The following SPMIP4 variants were observed in gnomAD, a reference collection of about 807,000 sequenced individuals.
SPMIP4 encodes the protein sperm-associated microtubule inner protein 4.
chr7:25,150,838 G>A, the SPMIP4 span, among the ~76,000 whole-genome samples: 1 of 152,178 alleles, frequency 6.6e-6, no homozygotes, highest in Non-Finnish European at 1.5e-5. Flanking sequence ...AGGGTTAAAT[G>A]ATGTATTTAG....
chr7:25,153,496 C>T, the SPMIP4 span, among the ~76,000 whole-genome samples: 1 of 150,106 alleles, frequency 6.7e-6, no homozygotes, highest in Admixed American at 6.7e-5. Context: ...CACTTGGACC[C>T]GGGAAGCAGA....
the SPMIP4 span, among the ~76,000 whole-genome samples, chr7:25,162,840 C>T: frequency 6.6e-6 from 1 of 152,000 alleles, no homozygotes; most frequent in Non-Finnish European, 1.5e-5. Flanking sequence ...GGCGTGATCT[C>T]AGCTCACTGC....
the SPMIP4 span, among the ~76,000 whole-genome samples, chr7:25,141,536 T>TACTCC: frequency 1.6e-5 from 2 of 126,660 alleles, no homozygotes; most frequent in Non-Finnish European, 3.1e-5. Context: ...CGTGCCACCG[T>TACTCC]ACTCCAGCCT....
At chr7:25,135,431 C>T in the SPMIP4 span, 120 of 985,348 alleles carry the variant, frequency 1.2e-4, no homozygotes, top group Non-Finnish European at 1.4e-4. Flanking sequence ...GAACAGAGTC[C>T]ACATACTTTT....
the SPMIP4 span, among the ~76,000 whole-genome samples, chr7:25,159,162 G>A: frequency 1.3e-5 from 2 of 152,208 alleles, no homozygotes; most frequent in African/African-American, 2.4e-5. Context: ...GAAGCCTGAC[G>A]TTATACATGG....
chr7:25,161,824 G>A, the SPMIP4 span, among the ~76,000 whole-genome samples: 1 of 52,986 alleles, frequency 1.9e-5, no homozygotes, highest in Non-Finnish European at 4.8e-5. Flanking sequence ...AATTTCAGAT[G>A]GATTTAAAAA....
At chr7:25,128,757 A>C in the SPMIP4 span, among the ~76,000 whole-genome samples, 1 of 152,158 alleles carries the variant, frequency 6.6e-6, no homozygotes, top group South Asian at 2.1e-4. This position sits in a 1 kb window ranked among gnomAD's most constrained non-coding sequence, Gnocchi z 4.5. Context: ...TCCTTTCCTC[A>C]AATAGGAGTC....
chr7:25,149,121 T>C, the SPMIP4 span, among the ~76,000 whole-genome samples: 1 of 152,222 alleles, frequency 6.6e-6, no homozygotes, highest in Admixed American at 6.5e-5. Context: ...CTGCAGTTCA[T>C]TCTGTATGGA....
the SPMIP4 span, among the ~76,000 whole-genome samples, chr7:25,177,438 G>A: frequency 6.6e-6 from 1 of 152,172 alleles, no homozygotes; most frequent in African/African-American, 2.4e-5. Flanking sequence ...AGCCGAGATT[G>A]TGCCACTGCA....
the SPMIP4 span, among the ~76,000 whole-genome samples, chr7:25,164,755 G>A: frequency 6.6e-6 from 1 of 152,210 alleles, no homozygotes; most frequent in Non-Finnish European, 1.5e-5. Context: ...TACCCAATGT[G>A]TAGTCTTTTA....
chr7:25,158,597 A>C, the SPMIP4 span: 1 of 1,305,848 alleles, frequency 7.7e-7, no homozygotes, highest in South Asian at 1.2e-5. Context: ...TATCCCTATT[A>C]GAAACTTGAT....
chr7:25,162,778 A>ATTT, the SPMIP4 span, among the ~76,000 whole-genome samples: 5 of 151,756 alleles, frequency 3.3e-5, no homozygotes, highest in Non-Finnish European at 5.9e-5. Context: ...TTATTTATTT[A>ATTT]AATTTTTTTT....
At chr7:25,138,125 T>C in the SPMIP4 span, among the ~76,000 whole-genome samples, 1 of 152,110 alleles carries the variant, frequency 6.6e-6, no homozygotes, top group Admixed American at 6.6e-5. The surrounding 1 kb of genome is among the most constrained non-coding windows in gnomAD (Gnocchi z 6.2). Flanking sequence ...CTGGAGAATA[T>C]GTAATGATAA....
At chr7:25,163,289 T>C in the SPMIP4 span, among the ~76,000 whole-genome samples, 9,405 of 152,306 alleles carry the variant, frequency 0.062, 412 homozygotes, top group Non-Finnish European at 0.098. This position sits in a 1 kb window ranked among gnomAD's most constrained non-coding sequence, Gnocchi z 4.4. Flanking sequence ...TACATAGTAT[T>C]AGGCAATTTT....
At chr7:25,139,130 T>C in the SPMIP4 span, among the ~76,000 whole-genome samples, 1 of 152,232 alleles carries the variant, frequency 6.6e-6, no homozygotes, top group East Asian at 1.9e-4. Context: ...TTAAGATTTG[T>C]GCAATTGCAT....
the SPMIP4 span, among the ~76,000 whole-genome samples, chr7:25,173,070 T>G: frequency 5.9e-5 from 8 of 134,466 alleles, no homozygotes; most frequent in South Asian, 2.4e-4. This position sits in a 1 kb window ranked among gnomAD's most constrained non-coding sequence, Gnocchi z 4.4. Context: ...GGGGAGAGAA[T>G]GGGAAAGAGA....
the SPMIP4 span, among the ~76,000 whole-genome samples, chr7:25,148,742 C>T: frequency 1.0e-3 from 152 of 152,202 alleles, 1 homozygote; most frequent in African/African-American, 3.4e-3. Context: ...CCCAAAGTGT[C>T]TCCCAAAGGG....
chr7:25,142,951 A>T, the SPMIP4 span: 1 of 536,432 alleles, frequency 1.9e-6, no homozygotes, highest in Admixed American at 3.6e-5. Context: ...ATTAATTACT[A>T]GTTAATTACT....
At chr7:25,142,184 A>C in the SPMIP4 span, 1 of 1,303,242 alleles carries the variant, frequency 7.7e-7, no homozygotes, top group African/African-American at 1.5e-5. Flanking sequence ...GTGGCAAAGC[A>C]AGAAGGAGCC....
Sources: allele counts gnomAD v4.1 joint callset (sites outside exome capture counted in the v4.1 genomes callset), GRCh38; gene constraint gnomAD v4.1.1; non-coding constraint Gnocchi (gnomAD v3.1); transcripts MANE v1.5; gene names NCBI Gene and HGNC (gene_info 2026-07-23, HGNC 2026-07-21).